HHLA1: variants seen among roughly 807,000 people sequenced by gnomAD.
The protein encoded by HHLA1 is HERV-H LTR-associating protein 1.
Under a neutral mutation model 69.9 loss-of-function variants are expected in HHLA1, and 72 were observed. The observed-to-expected ratio is 1.03, with a 90% CI of 0.85 to 1.25. HHLA1 has a LOEUF of 1.25. HHLA1 is among the 50% of genes most tolerant of loss of function. HHLA1 has a pLI of 0.00. For missense variants in HHLA1, 685 were observed against 642.2 expected (o/e 1.07, Z -0.72); for synonymous variants, 252 against 233.2 (o/e 1.08, Z -0.73).
chr8:132,093,027 A>G (rs1823969260), intron 7 of HHLA1, among the ~76,000 whole-genome samples: 1 of 152,158 alleles, frequency 6.6e-6, no homozygotes, highest in Admixed American at 6.5e-5. Context: ...GCTATTTTGG[A>G]GTCATTTGTT....
intron 1 of HHLA1, among the ~76,000 whole-genome samples, chr8:132,105,534 C>T (rs1485814527): frequency 6.6e-6 from 1 of 152,182 alleles, no homozygotes; most frequent in Non-Finnish European, 1.5e-5. Flanking sequence ...CATAGTCACT[C>T]AGGGACCCCA....
chr8:132,083,889 C>T (rs1283831474), intron 10 of HHLA1, among the ~76,000 whole-genome samples: 5 of 151,976 alleles, frequency 3.3e-5, no homozygotes, highest in East Asian at 1.9e-4. Context: ...GTTTGAGGGC[C>T]GGAATTTAAT....
intron 3 of HHLA1, among the ~76,000 whole-genome samples, chr8:132,101,639 C>T (rs567895450): frequency 1.3e-5 from 2 of 150,400 alleles, no homozygotes; most frequent in South Asian, 2.1e-4. Context: ...AGTGCAGTGG[C>T]GTGATCTCAC....
chr8:132,095,678 T>C (rs1250114730), intron 6 of HHLA1, 25 bp downstream of exon 6: 3 of 1,545,172 alleles, frequency 1.9e-6, no homozygotes, highest in East Asian at 4.9e-5. Flanking sequence ...ACCACCACCA[T>C]CAAGAAGAGC....
intron 10 of HHLA1, among the ~76,000 whole-genome samples, chr8:132,084,568 C>G (rs1403550836): frequency 6.6e-6 from 1 of 152,122 alleles, no homozygotes; most frequent in African/African-American, 2.4e-5. Flanking sequence ...CTATTTGGAA[C>G]TACTGTCGAG....
chr8:132,069,839 G>A (rs528732476), intron 15 of HHLA1: 1 of 152,768 alleles, frequency 6.5e-6, no homozygotes, highest in South Asian at 2.1e-4. Flanking sequence ...ATACAGCAGA[G>A]ACTCAATACA....
chr8:132,096,245 C>T (rs984023808), intron 5 of HHLA1, among the ~76,000 whole-genome samples: 1 of 152,188 alleles, frequency 6.6e-6, no homozygotes, highest in Non-Finnish European at 1.5e-5. Flanking sequence ...GGCTTGTGGC[C>T]ACATCTCTCT....
chr8:132,103,828 T>A (rs1824156825), intron 3 of HHLA1, among the ~76,000 whole-genome samples: 1 of 152,134 alleles, frequency 6.6e-6, no homozygotes, highest in Non-Finnish European at 1.5e-5. Flanking sequence ...CAAAGAAAGA[T>A]GAAATTATTA....
intron 10 of HHLA1, chr8:132,081,140 G>A (rs1458089238): frequency 3.9e-5 from 2 of 51,504 alleles, no homozygotes; most frequent in African/African-American, 1.4e-4. Context: ...GATATCAGCT[G>A]TGATGGCTTG....
At chr8:132,064,074 A>AC (rs1256874046) in intron 16 of HHLA1, 36 bp from the exon 17 acceptor site, 2 of 1,265,644 alleles carry the variant, frequency 1.6e-6, no homozygotes, top group African/African-American at 3.1e-5. Flanking sequence ...AACTCAAGGT[A>AC]CTGAGATATA....
chr8:132,081,740 CT>C (rs1823755819), intron 10 of HHLA1, among the ~76,000 whole-genome samples: 1 of 152,168 alleles, frequency 6.6e-6, no homozygotes, highest in African/African-American at 2.4e-5. Flanking sequence ...TTGAGTAAAG[CT>C]AATTTGCCAG....
chr8:132,078,620 G>A lies in HHLA1; in HGVS notation c.926-649C>T, dbSNP rs76530728. 6.7e-3 allele frequency among the ~76,000 whole-genome samples: 1,020 copies of A among 152,186 alleles called. 10 individuals are homozygous for A. Among genetic ancestry groups the A allele is most frequent in the African/African-American group, 0.022 (920 of 41,516 alleles). ...GGGAAGCCTGTGTCTCCTCTATGCC[G>A]GGGTAGGAGCCCTCTCTGTGTTCTC... On this transcript the variant is annotated intron_variant, in intron 11 of 16. Coordinates refer to ENST00000414222, the MANE Select transcript of HHLA1 (RefSeq NM_001145095.3).
At chr8:132,065,351 G>T (rs563038762) in intron 16 of HHLA1, among the ~76,000 whole-genome samples, 2 of 152,106 alleles carry the variant, frequency 1.3e-5, no homozygotes, top group Non-Finnish European at 2.9e-5. Flanking sequence ...GTGCAATCTC[G>T]GCTTACTGCA....
chr8:132,077,303 G>A (rs1446987583), intron 12 of HHLA1, among the ~76,000 whole-genome samples: 1 of 152,158 alleles, frequency 6.6e-6, no homozygotes, highest in Admixed American at 6.5e-5. Flanking sequence ...TAAAGATCAG[G>A]AGATGTGGGC....
intron 7 of HHLA1, among the ~76,000 whole-genome samples, chr8:132,090,521 C>A (rs1823930280): frequency 6.6e-6 from 1 of 152,106 alleles, no homozygotes; most frequent in Non-Finnish European, 1.5e-5. Context: ...AAATACAGAA[C>A]CAAGAGAGGT....
chr8:132,065,481 A>T (rs1823419031), intron 16 of HHLA1, among the ~76,000 whole-genome samples: 1 of 152,140 alleles, frequency 6.6e-6, no homozygotes, highest in Admixed American at 6.5e-5. Flanking sequence ...ACGGGGTTTC[A>T]CCATGTTAGC....
At chr8:132,104,915 G>A (rs1394126375) in intron 2 of HHLA1, among the ~76,000 whole-genome samples, 1 of 152,214 alleles carries the variant, frequency 6.6e-6, no homozygotes, top group Non-Finnish European at 1.5e-5. Flanking sequence ...GGAGAAGCTG[G>A]TTTGGAAAGC....
At chr8:132,086,256 G>A (rs186993238) in intron 10 of HHLA1, among the ~76,000 whole-genome samples, 3 of 152,176 alleles carry the variant, frequency 2.0e-5, no homozygotes, top group African/African-American at 7.2e-5. Flanking sequence ...ATAGAGTCCC[G>A]TTGGGAAGAC....
At chr8:132,106,278 G>A (rs1234703609) in intron 1 of HHLA1, among the ~76,000 whole-genome samples, 1 of 152,188 alleles carries the variant, frequency 6.6e-6, no homozygotes, top group Non-Finnish European at 1.5e-5. Context: ...ACATCCTCAG[G>A]GCAAATTGCA....
Sources: gnomAD v4.1 joint callset for allele counts (sites outside exome capture counted in the v4.1 genomes callset) on GRCh38, gnomAD v4.1.1 for gene constraint, MANE v1.5 for transcripts, NCBI Gene and HGNC (gene_info 2026-07-23, HGNC 2026-07-21) for gene names.